EIF4G3: variants seen among roughly 807,000 people sequenced by gnomAD.
EIF4G3 encodes eukaryotic translation initiation factor 4 gamma 3.
In EIF4G3, 34 loss-of-function variants were observed where a neutral mutation model predicts 186.4. The ratio of observed to expected loss-of-function variants is 0.18; its 90% CI spans 0.14 to 0.24. The LOEUF (loss-of-function observed/expected upper bound fraction) is 0.24. Ranked by LOEUF, EIF4G3 falls within the 10% of genes least tolerant of loss-of-function variation. The probability of loss-of-function intolerance (pLI) is 1.00; values close to 1 mark genes in which losing one functional copy is unlikely to be tolerated. For missense variants in EIF4G3, 1,536 were observed against 1,948.5 expected (o/e 0.79, Z 3.99); for synonymous variants, 673 against 679.5 (o/e 0.99, Z 0.15).
chr1:20,956,914 T>C (rs113311268), intron 12 of EIF4G3, among the ~76,000 whole-genome samples: 165 of 152,286 alleles, frequency 1.1e-3, no homozygotes, highest in African/African-American at 3.9e-3. Context: ...CTGAAATAGT[T>C]TATAACGAAG....
At chr1:20,993,911 T>C (rs919946144) in intron 7 of EIF4G3, among the ~76,000 whole-genome samples, 1 of 152,222 alleles carries the variant, frequency 6.6e-6, no homozygotes, top group East Asian at 1.9e-4. Context: ...CTATGTCTTG[T>C]TCTGTATTAT....
At chr1:20,879,601 TA>T in intron 19 of EIF4G3, 81 bp from the exon 20 acceptor site, 2 of 864,518 alleles carry the variant, frequency 2.3e-6, no homozygotes, top group Non-Finnish European at 3.2e-6. Context: ...ATTTTAAAAA[TA>T]ATATATAAGT....
intron 4 of EIF4G3, among the ~76,000 whole-genome samples, chr1:21,023,647 G>C (rs1485896999): frequency 6.6e-6 from 1 of 151,992 alleles, no homozygotes; most frequent in African/African-American, 2.4e-5. Context: ...GCCTCCCAAA[G>C]TGCCGAGATT....
rs149399973 is a variant in EIF4G3 at position 21,106,599 on chromosome 1, T to A, written c.-271-17386A>T. Among the ~76,000 whole-genome samples the A allele has an allele frequency of 2.1e-3, 324 of 152,242 alleles. 2 individuals carry two copies. Among genetic ancestry groups the A allele is most frequent in the African/African-American group, 7.3e-3 (303 of 41,536 alleles). ...TTGAGCATAAAAATTCTGAAATGCCTATGAAAAATCCAGGAGGAGATGTAA... is the reference window on the plus strand; with the variant it reads ...TTGAGCATAAAAATTCTGAAATGCCAATGAAAAATCCAGGAGGAGATGTAA... On this transcript the variant is annotated intron_variant, in intron 2 of 36. Transcript: ENST00000602326.
At chr1:20,851,170 C>A in intron 28 of EIF4G3, 88 bp downstream of exon 28, 1 of 1,261,448 alleles carries the variant, frequency 7.9e-7, no homozygotes, top group Non-Finnish European at 1.1e-6. Context: ...TGTGTTAATT[C>A]TAAAATCTAC....
chr1:20,824,912 T>A (rs1358199188), intron 33 of EIF4G3, among the ~76,000 whole-genome samples, 188 bp downstream of exon 33: 3 of 152,006 alleles, frequency 2.0e-5, no homozygotes, highest in African/African-American at 7.3e-5. Context: ...TTTCTTTTTT[T>A]AAATATCAAT....
chr1:21,110,053 G>C (rs937836765), intron 2 of EIF4G3, among the ~76,000 whole-genome samples: 4 of 152,168 alleles, frequency 2.6e-5, no homozygotes, highest in African/African-American at 9.7e-5. Context: ...CTCCCAAAGT[G>C]CTAGGATTAC....
chr1:20,829,248 T>C lies in EIF4G3; in HGVS notation c.4086A>G (p.Ala1362=), dbSNP rs376282019. The C allele has an allele frequency of 4.5e-5, 72 of 1,613,674 alleles. No homozygotes were observed. Among genetic ancestry groups the C allele is most frequent in the Non-Finnish European group, 5.8e-5 (68 of 1,179,874 alleles). Reference sequence around the variant, plus strand: ...GGGGAATATCAATGGCCATGTCATCTGCCAATTCCAAAGTTTCTGAAAAAC... The same window carrying C: ...GGGGAATATCAATGGCCATGTCATCCGCCAATTCCAAAGTTTCTGAAAAAC... ...FKGFSETLEL[A]DDMAIDIPHI... is the part of the protein sequence containing the mutation. Residue 1362 remains alanine, a synonymous_variant, in exon 31 of 37, where the codon GCA becomes GCG. Transcript: ENST00000602326.
At chr1:20,966,831 T>C (rs1218128080) in intron 12 of EIF4G3, among the ~76,000 whole-genome samples, 1 of 152,338 alleles carries the variant, frequency 6.6e-6, no homozygotes, top group East Asian at 1.9e-4. Flanking sequence ...CTTGTGCTAC[T>C]GTTTTTCTTA....
In EIF4G3 at chr1:20,931,370, T is replaced by C. The variant is rs141216017; in HGVS notation, c.1663+10121A>G. Among the ~76,000 whole-genome samples, 480 of 152,306 alleles carry C rather than the reference T, an allele frequency of 3.2e-3. 3 individuals are homozygous for C. Among genetic ancestry groups the C allele is most frequent in the African/African-American group, 0.011 (464 of 41,564 alleles). ...GAAAGGAATCTTGCTATCTGGGCAG[T>C]AGGTCTCTACAGTAGGCTTATAAGA... On this transcript the variant is annotated intron_variant, in intron 14 of 36. Coordinates refer to ENST00000602326, the MANE Select transcript of EIF4G3 (RefSeq NM_001391906.1).
intron 12 of EIF4G3, among the ~76,000 whole-genome samples, chr1:20,965,354 C>G (rs1453525838): frequency 1.3e-5 from 2 of 152,194 alleles, no homozygotes; most frequent in Non-Finnish European, 2.9e-5. Flanking sequence ...CTCTCTCTCT[C>G]CCTTACATCT....
intron 4 of EIF4G3, among the ~76,000 whole-genome samples, chr1:21,024,269 G>T (rs1167758417): frequency 6.7e-6 from 1 of 150,300 alleles, no homozygotes; most frequent in Non-Finnish European, 1.5e-5. Flanking sequence ...GGTGAGGGGC[G>T]CCTCTGCCCG....
chr1:20,956,902 C>A (rs1377014072), intron 12 of EIF4G3, among the ~76,000 whole-genome samples: 1 of 152,138 alleles, frequency 6.6e-6, no homozygotes, highest in Non-Finnish European at 1.5e-5. Flanking sequence ...CCGCGCCTAG[C>A]CCTGAAATAG....
chr1:20,971,831 G>A (rs977440516), intron 11 of EIF4G3, among the ~76,000 whole-genome samples: 2 of 152,116 alleles, frequency 1.3e-5, no homozygotes, highest in Non-Finnish European at 2.9e-5. Context: ...ATGGGTTTTC[G>A]CCATGTTGGC....
intron 3 of EIF4G3, among the ~76,000 whole-genome samples, chr1:21,086,158 TCAGA>T (rs1445107922): frequency 1.3e-5 from 2 of 150,928 alleles, no homozygotes; most frequent in African/African-American, 2.4e-5. Flanking sequence ...TACTGAGCCT[TCAGA>T]CAGACCAAGA....
intron 2 of EIF4G3, among the ~76,000 whole-genome samples, chr1:21,145,820 T>C (rs750550315): frequency 6.6e-6 from 1 of 152,152 alleles, no homozygotes; most frequent in Non-Finnish European, 1.5e-5. Flanking sequence ...GTGGCTCATA[T>C]CTGCAATCCC....
chr1:20,884,554 C>T (rs150342857), intron 19 of EIF4G3, among the ~76,000 whole-genome samples: 2 of 152,228 alleles, frequency 1.3e-5, no homozygotes, highest in East Asian at 1.9e-4. Context: ...GCATTTCTCA[C>T]GGAGATTGGA....
intron 2 of EIF4G3, among the ~76,000 whole-genome samples, chr1:21,103,385 C>G (rs2096560795): frequency 1.3e-5 from 2 of 152,124 alleles, no homozygotes; most frequent in Admixed American, 1.3e-4. Flanking sequence ...CACTTAACTT[C>G]TACAAATCCT....
intron 33 of EIF4G3, among the ~76,000 whole-genome samples, chr1:20,821,142 A>G (rs1245935847): frequency 2.0e-5 from 3 of 152,228 alleles, no homozygotes; most frequent in Non-Finnish European, 4.4e-5. Flanking sequence ...CTGCTTAAAT[A>G]CTTTTGATAG....
Sources: gnomAD v4.1 joint callset for allele counts (sites outside exome capture counted in the v4.1 genomes callset) on GRCh38, gnomAD v4.1.1 for gene constraint, MANE v1.5 for transcripts, NCBI Gene and HGNC (gene_info 2026-07-23, HGNC 2026-07-21) for gene names.